Variants in ZNF138 observed in about 807,000 individuals in gnomAD.
ZNF138 encodes the protein zinc finger protein 138 (clone pHZ-32).
Under a neutral mutation model 33.0 loss-of-function variants are expected in ZNF138, and 33 were observed. That is an observed-to-expected ratio of 1.00 (90% CI 0.76 to 1.34). ZNF138 has a LOEUF of 1.34. ZNF138 is among the 40% of genes most tolerant of loss of function. The probability of loss-of-function intolerance (pLI) is 0.00; values close to 1 mark genes in which losing one functional copy is unlikely to be tolerated. For missense variants in ZNF138, 360 were observed against 370.8 expected (o/e 0.97, Z 0.24); for synonymous variants, 139 against 120.4 (o/e 1.15, Z -1.01).
intron 1 of ZNF138, among the ~76,000 whole-genome samples, chr7:64,801,336 T>C (rs946819265): frequency 6.6e-6 from 1 of 152,208 alleles, no homozygotes; most frequent in Non-Finnish European, 1.5e-5. Flanking sequence ...GCATTAGCTG[T>C]GTTGCAGAGA....
At chr7:64,837,608 G>A (rs1006537511), downstream of ZNF138, among the ~76,000 whole-genome samples, 2 of 152,168 alleles carry the variant, frequency 1.3e-5, no homozygotes, top group African/African-American at 2.4e-5. Context: ...GGCGCGTCTC[G>A]AGAGCCAATT....
intron 1 of ZNF138, among the ~76,000 whole-genome samples, chr7:64,795,747 T>G (rs570750117): frequency 6.6e-6 from 1 of 152,256 alleles, no homozygotes; most frequent in South Asian, 2.1e-4. Context: ...GGGTCAAGGT[T>G]TCCCTTTGGA....
At chr7:64,838,671 G>T (rs1790433326), downstream of ZNF138, among the ~76,000 whole-genome samples, 1 of 152,166 alleles carries the variant, frequency 6.6e-6, no homozygotes, top group African/African-American at 2.4e-5. Context: ...CCTCATCCAG[G>T]ATTAGCGGAT....
the ZNF138 span, among the ~76,000 whole-genome samples, chr7:64,839,262 T>A: frequency 1.3e-5 from 2 of 152,182 alleles, no homozygotes; most frequent in Non-Finnish European, 2.9e-5. Context: ...TCGTTTTAAA[T>A]CTTGGTCGAG....
At chr7:64,797,456 G>A (rs898536184) in intron 1 of ZNF138, among the ~76,000 whole-genome samples, 4 of 152,142 alleles carry the variant, frequency 2.6e-5, no homozygotes, top group Non-Finnish European at 5.9e-5. Flanking sequence ...ACTCCGACAT[G>A]GAAATTAAAG....
chr7:64,850,569 G>T, the ZNF138 span, among the ~76,000 whole-genome samples: 1 of 152,182 alleles, frequency 6.6e-6, no homozygotes, highest in South Asian at 2.1e-4. Flanking sequence ...AGTAGCATTG[G>T]ATGAGAGGGT....
downstream of ZNF138, among the ~76,000 whole-genome samples, chr7:64,834,454 T>C (rs62458369): frequency 0.06 from 9,151 of 152,280 alleles, 310 homozygotes; most frequent in East Asian, 0.14. Context: ...TACATAACTT[T>C]AAAAGAAGTA....
chr7:64,817,156 A>G (rs1788706369), intron 3 of ZNF138, among the ~76,000 whole-genome samples: 1 of 152,200 alleles, frequency 6.6e-6, no homozygotes, highest in South Asian at 2.1e-4. Flanking sequence ...AGAACTGGCC[A>G]TGAACTGTGG....
intron 1 of ZNF138, among the ~76,000 whole-genome samples, chr7:64,800,536 T>C (rs868494245): frequency 1.3e-5 from 2 of 152,342 alleles, no homozygotes; most frequent in Middle Eastern, 6.8e-3. Context: ...AGAAAAAGCC[T>C]ACTTGATCAT....
intron 1 of ZNF138, among the ~76,000 whole-genome samples, chr7:64,811,200 A>C (rs1240132975): frequency 6.6e-6 from 1 of 152,244 alleles, no homozygotes; most frequent in Non-Finnish European, 1.5e-5. Flanking sequence ...CCAGGGAATT[A>C]TTAAACACTT....
chr7:64,801,133 G>C (rs1472841456), intron 1 of ZNF138, among the ~76,000 whole-genome samples: 1 of 151,928 alleles, frequency 6.6e-6, no homozygotes, highest in Admixed American at 6.6e-5. Context: ...TGGATTTCTT[G>C]ATCTGTTGCA....
At chr7:64,814,362 A>G (rs1182476250) in intron 1 of ZNF138, among the ~76,000 whole-genome samples, 3 of 152,164 alleles carry the variant, frequency 2.0e-5, no homozygotes, top group African/African-American at 7.2e-5. Flanking sequence ...TTATGCCCTT[A>G]ATTTTATACT....
intron 3 of ZNF138, among the ~76,000 whole-genome samples, chr7:64,821,547 TTTTG>T (rs1583863291): frequency 6.6e-6 from 1 of 151,666 alleles, no homozygotes; most frequent in Non-Finnish European, 1.5e-5. Context: ...TTTATATTCT[TTTTG>T]TTTGTTTGTT....
intron 1 of ZNF138, among the ~76,000 whole-genome samples, chr7:64,802,358 G>GTGCC (rs1787201789): frequency 6.6e-6 from 1 of 152,160 alleles, no homozygotes; most frequent in African/African-American, 2.4e-5. Flanking sequence ...ACTTAAAAAG[G>GTGCC]TGCCTGGCTC....
At chr7:64,800,264 C>T (rs990658969) in intron 1 of ZNF138, among the ~76,000 whole-genome samples, 4 of 152,104 alleles carry the variant, frequency 2.6e-5, no homozygotes, top group Admixed American at 1.3e-4. Context: ...GCATCCTTGT[C>T]TTGTGCCAGT....
rs554221536 is a variant in ZNF138, at chr7:64,794,521, A to G, written c.-48A>G. On this transcript the variant is annotated 5_prime_UTR_variant, in exon 1 of 4. Coordinates refer to ENST00000307355, the MANE Select transcript of ZNF138 (RefSeq NM_001271639.2). Reference sequence around the variant, plus strand: ...GCCTCTGTGGCGCTGTGATCTGGTTATTGGGAGATTCACAGCTAAGACGCC... The same window carrying G: ...GCCTCTGTGGCGCTGTGATCTGGTTGTTGGGAGATTCACAGCTAAGACGCC... The G allele has an allele frequency of 4.3e-6, 7 of 1,612,002 alleles. No homozygotes were observed. The South Asian group carries it at 5.5e-5, about 13-fold the overall frequency.
chr7:64,813,178 T>C (rs1583830122), intron 1 of ZNF138, among the ~76,000 whole-genome samples: 1 of 152,170 alleles, frequency 6.6e-6, no homozygotes, highest in Admixed American at 6.5e-5. Flanking sequence ...AAGGTTTCTG[T>C]TGGGGGAAAG....
At chr7:64,809,245 G>A (rs1787881035) in intron 1 of ZNF138, among the ~76,000 whole-genome samples, 2 of 73,260 alleles carry the variant, frequency 2.7e-5, no homozygotes, top group African/African-American at 1.0e-4. Flanking sequence ...CGGGTGGGGC[G>A]GCTGGCCGGG....
intron 1 of ZNF138, among the ~76,000 whole-genome samples, chr7:64,802,189 G>A (rs570669205): frequency 1.3e-5 from 2 of 151,922 alleles, no homozygotes; most frequent in Non-Finnish European, 2.9e-5. Context: ...ACATTTTCCG[G>A]TTGACAGTTG....
Sources: gnomAD v4.1 joint callset for allele counts (sites outside exome capture counted in the v4.1 genomes callset) on GRCh38, gnomAD v4.1.1 for gene constraint, MANE v1.5 for transcripts, NCBI Gene and HGNC (gene_info 2026-07-23, HGNC 2026-07-21) for gene names.